Variants in PBX1 observed in about 807,000 individuals in gnomAD.
PBX1 encodes PBX homeobox 1, also known as pre-B-cell leukemia transcription factor 1.
PBX1 carries 6 observed loss-of-function variants against 53.4 expected under a neutral mutation model. The observed-to-expected ratio is 0.11, with a 90% CI of 0.06 to 0.22. The LOEUF is 0.22. Ranked by LOEUF, PBX1 falls within the 10% of genes least tolerant of loss-of-function variation. The pLI, the probability that PBX1 is intolerant of heterozygous loss-of-function variation, is 1.00. For synonymous variants in PBX1, 204 were observed against 212.3 expected (o/e 0.96, Z 0.34); for missense variants, 251 against 551.4 (o/e 0.46, Z 5.46).
intron 2 of PBX1, among the ~76,000 whole-genome samples, chr1:164,716,081 T>G (rs1664064910): frequency 6.6e-6 from 1 of 152,212 alleles, no homozygotes; most frequent in African/African-American, 2.4e-5. Flanking sequence ...CTGGCATATT[T>G]GGGTCATTAA....
chr1:164,880,883 A>G (rs1296592669), intron 2 of PBX1, among the ~76,000 whole-genome samples: 2 of 152,224 alleles, frequency 1.3e-5, no homozygotes, highest in Non-Finnish European at 2.9e-5. Flanking sequence ...ACAGTTTGGA[A>G]AAGGAAAAAA....
rs1671751631 is a variant in PBX1 at position 164,849,966 on chromosome 1, T to G, written c.*3290T>G. Reference sequence around the variant, plus strand: ...CTTTATTAACATTTTCCATTGTTTCTTGCGACTTGTGTCTCGTTCTTTGTA... The same window carrying G: ...CTTTATTAACATTTTCCATTGTTTCGTGCGACTTGTGTCTCGTTCTTTGTA... On this transcript the variant is annotated 3_prime_UTR_variant, in exon 9 of 9. Coordinates refer to ENST00000420696, the MANE Select transcript of PBX1 (RefSeq NM_002585.4). 4.4e-6 allele frequency: 1 copy of G among 228,504 alleles called. No individual in the cohort carries two copies. The highest frequency in any genetic ancestry group is 2.2e-5 in the African/African-American group (1 of 45,110). The allele number at this position is 228,504 out of a possible 1,614,324, so 14.2% of individuals were successfully genotyped here. A position where few individuals can be genotyped will look rare whatever the true frequency, so the allele number is the denominator to read the frequency against.
chr1:164,625,523 G>A lies in PBX1; in HGVS notation c.265+62212G>A, dbSNP rs140729920. Among the ~76,000 whole-genome samples the A allele has an allele frequency of 1.5e-3, 222 of 152,244 alleles. 1 individual carries two copies. Among genetic ancestry groups the A allele is most frequent in the African/African-American group, 5.0e-3 (207 of 41,552 alleles). Reference sequence around the variant, plus strand: ...TATGAACCCAGGATTCTGTTATTACGTCTGATGTTTGTTTCTAGTTAAAAA... The same window carrying A: ...TATGAACCCAGGATTCTGTTATTACATCTGATGTTTGTTTCTAGTTAAAAA... On this transcript the variant is annotated intron_variant, in intron 2 of 8. Transcript: ENST00000420696.
At chr1:164,687,301 C>T (rs1175553375) in intron 2 of PBX1, among the ~76,000 whole-genome samples, 1 of 152,168 alleles carries the variant, frequency 6.6e-6, no homozygotes, top group Non-Finnish European at 1.5e-5. Flanking sequence ...GTGGCTCACA[C>T]CTCTAATCCC....
intron 2 of PBX1, among the ~76,000 whole-genome samples, chr1:164,862,346 C>T (rs1244757047): frequency 6.6e-6 from 1 of 152,184 alleles, no homozygotes; most frequent in Non-Finnish European, 1.5e-5. Flanking sequence ...TCCTGAGTTC[C>T]CACCAAGGAT....
At chr1:164,723,328 C>T (rs1388516718) in intron 2 of PBX1, among the ~76,000 whole-genome samples, 16 of 152,150 alleles carry the variant, frequency 1.1e-4, no homozygotes, top group Admixed American at 9.8e-4. Context: ...TCTTTAGAGG[C>T]TTATGCTCCA....
intron 2 of PBX1, among the ~76,000 whole-genome samples, chr1:164,634,766 AGT>A (rs1658635023): frequency 1.3e-5 from 2 of 152,244 alleles, no homozygotes; most frequent in East Asian, 3.9e-4. Context: ...TAGGGAAATA[AGT>A]TCTTTGGGAG....
intron 2 of PBX1, among the ~76,000 whole-genome samples, chr1:164,742,558 A>G (rs190499573): frequency 2.2e-3 from 341 of 152,334 alleles, no homozygotes; most frequent in South Asian, 4.1e-3. Context: ...AAGGATCACA[A>G]AACTTGGTTT....
Position 164,847,711 on chromosome 1 carries a change from A to G in PBX1, c.*1035A>G, listed in dbSNP as rs1671641855. 9.5e-7 allele frequency: 1 copy of G among 1,056,452 alleles called. No homozygotes were observed. Among genetic ancestry groups the G allele is most frequent in the African/African-American group, 1.7e-5 (1 of 60,506 alleles). The allele number at this position is 1,056,452 out of a possible 1,614,324, so 65.4% of individuals were successfully genotyped here. On this transcript the variant is annotated 3_prime_UTR_variant, in exon 9 of 9. Coordinates refer to ENST00000420696, the MANE Select transcript of PBX1 (RefSeq NM_002585.4). ...TACAATTACCTACATTAATAACTGT[A>G]GCACTATGCCTTTTGAGCCCGAGAG...
intron 6 of PBX1, 101 bp from the exon 7 acceptor site, chr1:164,819,971 G>T (rs577379858): frequency 1.6e-5 from 11 of 681,584 alleles, no homozygotes; most frequent in Admixed American, 5.1e-5. Flanking sequence ...TTTTTATTTG[G>T]GGGGGGTTGC....
At chr1:164,878,400 G>A (rs1260545668) in intron 2 of PBX1, among the ~76,000 whole-genome samples, 1 of 152,140 alleles carries the variant, frequency 6.6e-6, no homozygotes, top group Admixed American at 6.6e-5. Context: ...TCAATATCAG[G>A]TTAATAAAAC....
intron 2 of PBX1, among the ~76,000 whole-genome samples, chr1:164,640,804 TGTC>T (rs1659095477): frequency 6.6e-6 from 1 of 152,074 alleles, no homozygotes; most frequent in Non-Finnish European, 1.5e-5. Context: ...GCAATCCGCC[TGTC>T]TTGGCCTCCC....
Position 164,846,627 on chromosome 1 carries a change from C to A in PBX1, c.1244C>A (p.Thr415Asn). The A allele has an allele frequency of 6.2e-7, 1 of 1,614,126 alleles. No homozygotes were observed. Among genetic ancestry groups the A allele is most frequent in the South Asian group, 1.1e-5 (1 of 91,086 alleles). ...GATGCTACTACCCCTTCATCAGTGA[C>A]CTCCCCTACAGAAGGCCCTGGCAGT... ...WQDATTPSSV[T>N]SPTEGPGSVH... is the part of the protein sequence containing the mutation. The change falls in exon 9 of 9, where the codon ACC (threonine) becomes AAC (asparagine). Residue 415 changes from threonine (T) to asparagine (N), a missense_variant. Physicochemically the swap from Thr to Asn is moderately conservative, Grantham distance 65. This residue lies in a region of PBX1 where 92 missense variants were observed against 130.4 expected (regional missense o/e 0.71). Coordinates refer to ENST00000420696, the MANE Select transcript of PBX1 (RefSeq NM_002585.4).
intron 2 of PBX1, among the ~76,000 whole-genome samples, chr1:164,715,314 C>T (rs541909460): frequency 4.3e-4 from 65 of 152,210 alleles, no homozygotes; most frequent in Non-Finnish European, 6.8e-4. Context: ...TATGGAAGAC[C>T]TTTCGGTACT....
chr1:164,857,924 G>T (rs770271471), intron 2 of PBX1, among the ~76,000 whole-genome samples: 1 of 152,194 alleles, frequency 6.6e-6, no homozygotes, highest in African/African-American at 2.4e-5. Context: ...CACAGTAAAT[G>T]CTAAACATGT....
chr1:164,835,950 C>T (rs1167648978), intron 8 of PBX1, among the ~76,000 whole-genome samples: 4 of 152,042 alleles, frequency 2.6e-5, no homozygotes, highest in Non-Finnish European at 4.4e-5. Flanking sequence ...TAAAATAGTG[C>T]CCAAGAATTT....
intron 2 of PBX1, among the ~76,000 whole-genome samples, chr1:164,731,839 G>C (rs1301199093): frequency 6.6e-6 from 1 of 152,206 alleles, no homozygotes; most frequent in East Asian, 1.9e-4. Flanking sequence ...TCGGCGGCCT[G>C]TGTGAGCTCT....
Position 164,849,525 on chromosome 1 carries a change from G to C in PBX1, c.*2849G>C. ...ATGAGGCCAGTCCTACAGAGAGCAA[G>C]ATGCACCCCAGGATTTCTTCATTTT... On this transcript the variant is annotated 3_prime_UTR_variant, in exon 9 of 9. Transcript: ENST00000420696. 7.3e-7 allele frequency: 1 copy of C among 1,371,630 alleles called. No individual in the cohort carries two copies. The highest frequency in any genetic ancestry group is 1.4e-5 in the African/African-American group (1 of 69,514). 85.0% of individuals were successfully genotyped at this position (1,371,630 alleles called of 1,614,324 possible). A position where few individuals can be genotyped will look rare whatever the true frequency, so the allele number is the denominator to read the frequency against.
intron 2 of PBX1, among the ~76,000 whole-genome samples, chr1:164,706,837 C>T (rs1663451484): frequency 1.3e-5 from 2 of 152,170 alleles, no homozygotes; most frequent in Non-Finnish European, 2.9e-5. Context: ...TTTCAAAGTC[C>T]CACTTCCAGG....
Sources: gnomAD v4.1 joint callset for allele counts (sites outside exome capture counted in the v4.1 genomes callset) on GRCh38, gnomAD v4.1.1 for gene constraint, gnomAD v4.1.1 regional missense constraint, MANE v1.5 for transcripts, NCBI Gene and HGNC (gene_info 2026-07-23, HGNC 2026-07-21) for gene names.